Variants in PABIR1 observed in about 807,000 individuals in gnomAD.
PABIR1 encodes the protein PPP2R1A-PPP2R2A-interacting phosphatase regulator 1.
PABIR1 carries 2 observed loss-of-function variants against 14.6 expected under a neutral mutation model. The observed-to-expected ratio is 0.14, with a 90% CI of 0.06 to 0.43. The LOEUF (loss-of-function observed/expected upper bound fraction) is 0.43. Among genes scored for constraint, PABIR1 ranks in the 20% least tolerant of loss-of-function variants. The pLI is 0.99. For missense variants in PABIR1, 294 were observed against 379.0 expected (o/e 0.78, Z 1.86); for synonymous variants, 163 against 155.4 (o/e 1.05, Z -0.36).
rs898531543 is a variant in PABIR1, at chr9:68,781,940, ACT to A, written c.*918_*919del. 1 of 166,938 alleles carries A rather than the reference ACT, an allele frequency of 6.0e-6. No homozygotes were observed. The highest frequency in any genetic ancestry group is 2.4e-5 in the African/African-American group (1 of 41,424). The allele number at this position is 166,938 out of a possible 1,614,324, so 10.3% of individuals were successfully genotyped here. The stretch of plus-strand genomic sequence containing the variant: ...ACTTTGGCGCACTCAGGTAAACAAT[ACT>A]CTCTCAATTGTTGATATACTTTAAA... On this transcript the variant is annotated 3_prime_UTR_variant, in exon 1 of 1. Transcript: ENST00000394264.
Position 68,783,980 on chromosome 9 carries a change from T to C in PABIR1, c.*2952T>C, listed in dbSNP as rs1159489173. ...TTGGTCCTTCCCTCCTCCCCCCTCG[T>C]TTTCTGTGCTTCGCCCTCACTGGCT... On this transcript the variant is annotated 3_prime_UTR_variant, in exon 1 of 1. Coordinates refer to ENST00000394264, the MANE Select transcript of PABIR1 (RefSeq NM_138333.5). 1 of 167,168 alleles carries C rather than the reference T, an allele frequency of 6.0e-6. No homozygotes were observed. The highest frequency in any genetic ancestry group is 6.5e-5 in the Admixed American group (1 of 15,286). 10.4% of individuals were successfully genotyped at this position (167,168 alleles called of 1,614,324 possible).
Position 68,780,828 on chromosome 9 carries a change from A to G in PABIR1, c.664A>G (p.Thr222Ala). 1.2e-6 allele frequency: 2 copies of G among 1,614,234 alleles called. No homozygotes were observed. Among genetic ancestry groups the G allele is most frequent in the South Asian group, 2.2e-5 (2 of 91,092 alleles). Reference sequence around the variant, plus strand: ...GCCAAAGAGATTTTTCCAGGGCATCACCAACATGCTTTCTTCTGACGTTGC... The same window carrying G: ...GCCAAAGAGATTTTTCCAGGGCATCGCCAACATGCTTTCTTCTGACGTTGC... Reference protein sequence around the residue: ...YQPKRFFQGITNMLSSDVAQL... With the variant: ...YQPKRFFQGIANMLSSDVAQL... The change falls in exon 1 of 1, where the codon ACC (threonine) becomes GCC (alanine). Residue 222 changes from threonine to alanine, a missense_variant. Thr to Ala is a moderately conservative substitution (Grantham distance 58). Coordinates refer to ENST00000394264, the MANE Select transcript of PABIR1 (RefSeq NM_138333.5).
Position 68,780,909 on chromosome 9 carries a change from A to C in PABIR1, c.745A>C (p.Ser249Arg), listed in dbSNP as rs763757644. 23 of 1,614,134 alleles carry C rather than the reference A, an allele frequency of 1.4e-5. No individual in the cohort carries two copies. Among genetic ancestry groups the C allele is most frequent in the Non-Finnish European group, 1.9e-5 (23 of 1,180,056 alleles). Reference sequence around the variant, plus strand: ...TTCGGATACCCTTGATGGAAACAGCAGCAGTGCCGGATCTTCTTGTAACTC... The same window carrying C: ...TTCGGATACCCTTGATGGAAACAGCCGCAGTGCCGGATCTTCTTGTAACTC... ...VSSDTLDGNS[S>R]SAGSSCNSPA... is the part of the protein sequence containing the mutation. Residue 249 changes from serine to arginine, a missense_variant, in exon 1 of 1, where the codon AGC (serine) becomes CGC (arginine). Physicochemically the swap from Ser to Arg is moderately radical, Grantham distance 110. Coordinates refer to ENST00000394264, the MANE Select transcript of PABIR1 (RefSeq NM_138333.5).
At position 68,780,088 on chromosome 9, in the gene PABIR1, G is replaced by A. The variant is rs1831158885; in HGVS notation, c.-77G>A. On this transcript the variant is annotated 5_prime_UTR_variant, in exon 1 of 1. Coordinates refer to ENST00000394264, the MANE Select transcript of PABIR1 (RefSeq NM_138333.5). Reference sequence around the variant, plus strand: ...ACAGATTCTCGGTGGCGGCGGCAGCGGCGGCGGCCCTGGACTGCGGGGAAT... The same window carrying A: ...ACAGATTCTCGGTGGCGGCGGCAGCAGCGGCGGCCCTGGACTGCGGGGAAT... The A allele has an allele frequency of 8.7e-5, 115 of 1,325,890 alleles. No individual in the cohort carries two copies. Among genetic ancestry groups the A allele is most frequent in the South Asian group, 6.1e-4 (25 of 40,892 alleles). The allele number at this position is 1,325,890 out of a possible 1,614,324, so 82.1% of individuals were successfully genotyped here. A position where few individuals can be genotyped will look rare whatever the true frequency, so the allele number is the denominator to read the frequency against.
chr9:68,781,103 C>G lies in PABIR1; in HGVS notation c.*75C>G. The G allele has an allele frequency of 6.6e-7, 1 of 1,506,834 alleles. No homozygotes were observed. The highest frequency in any genetic ancestry group is 1.3e-5 in the South Asian group (1 of 74,984). The allele number at this position is 1,506,834 out of a possible 1,614,324, so 93.3% of individuals were successfully genotyped here. A position where few individuals can be genotyped will look rare whatever the true frequency, so the allele number is the denominator to read the frequency against. ...AGTTGGGGCAAACACTGAACTTTGT[C>G]AATTAATTTGAGGCTATTTCCTATT... On this transcript the variant is annotated 3_prime_UTR_variant, in exon 1 of 1. Transcript: ENST00000394264.
rs376684545 is a variant in PABIR1 at position 68,785,306 on chromosome 9, A to G, written c.*4278A>G. Among the ~76,000 whole-genome samples the G allele has an allele frequency of 1.3e-5, 2 of 152,294 alleles. No individual in the cohort carries two copies. Among genetic ancestry groups the G allele is most frequent in the East Asian group, 3.9e-4 (2 of 5,176 alleles). ...AGGGCTTTACCTTATCAGCCATGACAAAGTATAGAGAATCTGGTCTCAATG... is the reference window on the plus strand; with the variant it reads ...AGGGCTTTACCTTATCAGCCATGACGAAGTATAGAGAATCTGGTCTCAATG... On this transcript the variant is annotated 3_prime_UTR_variant, in exon 1 of 1. Transcript: ENST00000394264.
rs1831258750 is a variant in PABIR1, at chr9:68,781,300, T to C, written c.*272T>C. On this transcript the variant is annotated 3_prime_UTR_variant, in exon 1 of 1. Transcript: ENST00000394264. ...TGCTAATATGTCTAAATACATATGT[T>C]ATCCCTTGATTTTTTTAAATAACTG... The C allele has an allele frequency of 3.0e-6, 1 of 336,502 alleles. No individual in the cohort carries two copies. Among genetic ancestry groups the C allele is most frequent in the South Asian group, 5.2e-5 (1 of 19,310 alleles). The allele number at this position is 336,502 out of a possible 1,614,324, so 20.8% of individuals were successfully genotyped here. A position where few individuals can be genotyped will look rare whatever the true frequency, so the allele number is the denominator to read the frequency against.
At position 68,781,970 on chromosome 9, in the gene PABIR1, A is replaced by G. The variant is rs955174175; in HGVS notation, c.*942A>G. 3.0e-5 allele frequency: 5 copies of G among 167,072 alleles called. No homozygotes were observed. Among genetic ancestry groups the G allele is most frequent in the African/African-American group, 9.6e-5 (4 of 41,462 alleles). The allele number at this position is 167,072 out of a possible 1,614,324, so 10.3% of individuals were successfully genotyped here. A position where few individuals can be genotyped will look rare whatever the true frequency, so the allele number is the denominator to read the frequency against. On this transcript the variant is annotated 3_prime_UTR_variant, in exon 1 of 1. Transcript: ENST00000394264. ...CTCAATTGTTGATATACTTTAAAATATTCAGTTGTGCCTCAGTTCCAGAAA... is the reference window on the plus strand; with the variant it reads ...CTCAATTGTTGATATACTTTAAAATGTTCAGTTGTGCCTCAGTTCCAGAAA...
rs1210059340 is a variant in PABIR1 at position 68,784,439 on chromosome 9, G to A, written c.*3411G>A. ...ATCATTAACTCCAAGGCTGCTGGATGTTAGGACCCTTAAGCATACTTAAAA... is the reference window on the plus strand; with the variant it reads ...ATCATTAACTCCAAGGCTGCTGGATATTAGGACCCTTAAGCATACTTAAAA... On this transcript the variant is annotated 3_prime_UTR_variant, in exon 1 of 1. Coordinates refer to ENST00000394264, the MANE Select transcript of PABIR1 (RefSeq NM_138333.5). The A allele has an allele frequency of 6.0e-6, 1 of 166,956 alleles. No homozygotes were observed. Among genetic ancestry groups the A allele is most frequent in the African/African-American group, 2.4e-5 (1 of 41,456 alleles). 10.3% of individuals were successfully genotyped at this position (166,956 alleles called of 1,614,324 possible). A position where few individuals can be genotyped will look rare whatever the true frequency, so the allele number is the denominator to read the frequency against.
At position 68,780,870 on chromosome 9, in the gene PABIR1, G is replaced by GGT; in HGVS notation, c.715_716dup (p.Ser240TyrfsTer43). On this transcript the variant is annotated frameshift_variant, in exon 1 of 1. Coordinates refer to ENST00000394264, the MANE Select transcript of PABIR1 (RefSeq NM_138333.5). LOFTEE classifies it high-confidence loss of function. ...TGACGTTGCACAGCTGTCAGATCCT[G>GGT]GTGTGTGTGTATCTTCGGATACCCT... 6.2e-7 allele frequency: 1 copy of GGT among 1,614,208 alleles called. No homozygotes were observed. Among genetic ancestry groups the GGT allele is most frequent in the Non-Finnish European group, 8.5e-7 (1 of 1,180,038 alleles).
Position 68,781,304 on chromosome 9 carries a change from C to A in PABIR1, c.*276C>A. 1 of 316,644 alleles carries A rather than the reference C, an allele frequency of 3.2e-6. No individual in the cohort carries two copies. Among genetic ancestry groups the A allele is most frequent in the Non-Finnish European group, 6.1e-6 (1 of 164,212 alleles). The allele number at this position is 316,644 out of a possible 1,614,324, so 19.6% of individuals were successfully genotyped here. A position where few individuals can be genotyped will look rare whatever the true frequency, so the allele number is the denominator to read the frequency against. On this transcript the variant is annotated 3_prime_UTR_variant, in exon 1 of 1. Transcript: ENST00000394264. ...AATATGTCTAAATACATATGTTATC[C>A]CTTGATTTTTTTAAATAACTGAGAG... is the stretch of plus-strand genomic sequence containing the variant.
chr9:68,781,074 A>G lies in PABIR1; in HGVS notation c.*46A>G, dbSNP rs992840504. 6.4e-7 allele frequency: 1 copy of G among 1,566,594 alleles called. No individual in the cohort carries two copies. Among genetic ancestry groups the G allele is most frequent in the African/African-American group, 1.4e-5 (1 of 73,248 alleles). ...CTTTTTGCAGTGGAGAGAGAGAATA[A>G]TCTAGTTGGGGCAAACACTGAACTT... On this transcript the variant is annotated 3_prime_UTR_variant, in exon 1 of 1. Transcript: ENST00000394264.
In PABIR1 at chr9:68,785,400, G is replaced by T. The variant is rs199860669; in HGVS notation, c.*4372G>T. ...GTTAGAGAATCAGGGCTGAAGGCAA[G>T]CCTTGAGTGCCACTTACTTGGTAAA... On this transcript the variant is annotated 3_prime_UTR_variant, in exon 1 of 1. Coordinates refer to ENST00000394264, the MANE Select transcript of PABIR1 (RefSeq NM_138333.5). Among the ~76,000 whole-genome samples the T allele has an allele frequency of 3.9e-5, 6 of 152,294 alleles. No homozygotes were observed. In the East Asian group the frequency reaches 9.6e-4, roughly 24 times the overall value.
Position 68,781,044 on chromosome 9 carries a change from ACTTT to A in PABIR1, c.*21_*24del. 2 of 1,602,834 alleles carry A rather than the reference ACTTT, an allele frequency of 1.2e-6. No homozygotes were observed. Among genetic ancestry groups the A allele is most frequent in the African/African-American group, 2.7e-5 (2 of 74,604 alleles). On this transcript the variant is annotated 3_prime_UTR_variant, in exon 1 of 1. Coordinates refer to ENST00000394264, the MANE Select transcript of PABIR1 (RefSeq NM_138333.5). ...GTCTAAGTGATTCACTCATCCTGAG[ACTTT>A]CTTTTTGCAGTGGAGAGAGAGAATA...
rs1831532258 is a variant in PABIR1 at position 68,785,023 on chromosome 9, C to G, written c.*3995C>G. Among the ~76,000 whole-genome samples the G allele has an allele frequency of 6.6e-6, 1 of 152,006 alleles. No individual in the cohort carries two copies. The highest frequency in any genetic ancestry group is 1.5e-5 in the Non-Finnish European group (1 of 68,012). ...GAGTGCAGTAAAGGTTTAATGTTGCCTCTGAGAATCTAAAGGAGTAAGTTA... is the reference window on the plus strand; with the variant it reads ...GAGTGCAGTAAAGGTTTAATGTTGCGTCTGAGAATCTAAAGGAGTAAGTTA... On this transcript the variant is annotated 3_prime_UTR_variant, in exon 1 of 1. Transcript: ENST00000394264.
rs181124284 is a variant in PABIR1 at position 68,781,033 on chromosome 9, C to T, written c.*5C>T. The T allele has an allele frequency of 2.0e-4, 320 of 1,609,884 alleles. 1 individual carries two copies. In the Admixed American group the frequency reaches 5.1e-3, roughly 26 times the overall value. ...GATGAACTTTCGTCTAAGTGATTCACTCATCCTGAGACTTTCTTTTTGCAG... is the reference window on the plus strand; with the variant it reads ...GATGAACTTTCGTCTAAGTGATTCATTCATCCTGAGACTTTCTTTTTGCAG... On this transcript the variant is annotated 3_prime_UTR_variant, in exon 1 of 1. Coordinates refer to ENST00000394264, the MANE Select transcript of PABIR1 (RefSeq NM_138333.5).
At position 68,781,106 on chromosome 9, in the gene PABIR1, T is replaced by G; in HGVS notation, c.*78T>G. ...TGGGGCAAACACTGAACTTTGTCAA[T>G]TAATTTGAGGCTATTTCCTATTTGA... On this transcript the variant is annotated 3_prime_UTR_variant, in exon 1 of 1. Transcript: ENST00000394264. 1 of 1,502,984 alleles carries G rather than the reference T, an allele frequency of 6.7e-7. No individual in the cohort carries two copies. Among genetic ancestry groups the G allele is most frequent in the Non-Finnish European group, 8.9e-7 (1 of 1,118,926 alleles). The allele number at this position is 1,502,984 out of a possible 1,614,324, so 93.1% of individuals were successfully genotyped here.
Position 68,781,179 on chromosome 9 carries a change from C to T in PABIR1, c.*151C>T, listed in dbSNP as rs941195850. 3.2e-5 allele frequency: 34 copies of T among 1,056,378 alleles called. No individual in the cohort carries two copies. Among genetic ancestry groups the T allele is most frequent in the East Asian group, 1.7e-4 (7 of 40,678 alleles). The allele number at this position is 1,056,378 out of a possible 1,614,324, so 65.4% of individuals were successfully genotyped here. A position where few individuals can be genotyped will look rare whatever the true frequency, so the allele number is the denominator to read the frequency against. On this transcript the variant is annotated 3_prime_UTR_variant, in exon 1 of 1. Transcript: ENST00000394264. ...CCTGAAATGATGTTATTCTAGAGAA[C>T]TTCTATGTCAGGTTCCTTTGGATAC...
In PABIR1 at chr9:68,781,638, T is replaced by G. The variant is rs745659495; in HGVS notation, c.*610T>G. ...AAAGTTTGAACAAATCTTTTCAAATTAAGTATATAAAAGTAAACTTTTAAG... is the reference window on the plus strand; with the variant it reads ...AAAGTTTGAACAAATCTTTTCAAATGAAGTATATAAAAGTAAACTTTTAAG... On this transcript the variant is annotated 3_prime_UTR_variant, in exon 1 of 1. Coordinates refer to ENST00000394264, the MANE Select transcript of PABIR1 (RefSeq NM_138333.5). 6.0e-6 allele frequency: 1 copy of G among 166,876 alleles called. No individual in the cohort carries two copies. The highest frequency in any genetic ancestry group is 2.4e-5 in the African/African-American group (1 of 41,440). 10.3% of individuals were successfully genotyped at this position (166,876 alleles called of 1,614,324 possible). A position where few individuals can be genotyped will look rare whatever the true frequency, so the allele number is the denominator to read the frequency against.
Sources: gnomAD v4.1 joint callset for allele counts (sites outside exome capture counted in the v4.1 genomes callset) on GRCh38, gnomAD v4.1.1 for gene constraint, MANE v1.5 for transcripts, NCBI Gene and HGNC (gene_info 2026-07-23, HGNC 2026-07-21) for gene names.